UBR4: variants seen among roughly 807,000 people sequenced by gnomAD.
UBR4 encodes the protein E3 ubiquitin-protein ligase UBR4.
A neutral mutation model predicts 575.6 loss-of-function variants in UBR4; 124 were observed. The observed-to-expected ratio is 0.22, with a 90% CI of 0.19 to 0.25. The LOEUF is 0.25. UBR4 is among the 10% of genes least tolerant of loss of function. UBR4 has a pLI of 1.00. For synonymous variants in UBR4, 2,455 were observed against 2,473.7 expected (o/e 0.99, Z 0.22); for missense variants, 4,818 against 6,478.8 (o/e 0.74, Z 8.80).
intron 30 of UBR4, 30 bp from the exon 31 acceptor site, chr1:19,165,379 A>G: frequency 6.4e-7 from 1 of 1,555,266 alleles, no homozygotes; most frequent in Non-Finnish European, 8.8e-7. Context: ...AAAAATGGAA[A>G]GAATCACATT....
At chr1:19,166,311 GC>G (rs1210472407) in intron 29 of UBR4, among the ~76,000 whole-genome samples, 1 of 152,114 alleles carries the variant, frequency 6.6e-6, no homozygotes, top group African/African-American at 2.4e-5. Flanking sequence ...CTGTGGGACC[GC>G]CCATTCCACA....
rs180868008 is a variant in UBR4, at chr1:19,151,555, C to T, written c.7213+88G>A. ...AGAAAAATCAGCAGAGTGGAGAGAT[C>T]CCAGAATGTTGGACAGCCACAGGCC... On this transcript the variant is annotated intron_variant, in intron 48 of 105. Coordinates refer to ENST00000375254, the MANE Select transcript of UBR4 (RefSeq NM_020765.3). 68 of 1,392,782 alleles carry T rather than the reference C, an allele frequency of 4.9e-5. No homozygotes were observed. The Admixed American group carries it at 1.1e-3, about 23-fold the overall frequency. The allele number at this position is 1,392,782 out of a possible 1,614,324, so 86.3% of individuals were successfully genotyped here. A position where few individuals can be genotyped will look rare whatever the true frequency, so the allele number is the denominator to read the frequency against.
At chr1:19,150,455 T>G in intron 49 of UBR4, 122 bp downstream of exon 49, 1 of 1,141,934 alleles carries the variant, frequency 8.8e-7, no homozygotes, top group Non-Finnish European at 1.3e-6. Context: ...GTATGAAAAC[T>G]TAAAAAAATT....
rs145555804 is a variant in UBR4 at position 19,146,133 on chromosome 1, T to C, written c.7805-200A>G. The C allele has an allele frequency of 2.0e-3, 3,033 of 1,526,296 alleles. 58 individuals are homozygous for C. The South Asian group carries it at 0.031, about 16-fold the overall frequency. 94.5% of individuals were successfully genotyped at this position (1,526,296 alleles called of 1,614,324 possible). A position where few individuals can be genotyped will look rare whatever the true frequency, so the allele number is the denominator to read the frequency against. On this transcript the variant is annotated intron_variant, in intron 52 of 105. Coordinates refer to ENST00000375254, the MANE Select transcript of UBR4 (RefSeq NM_020765.3). Reference sequence around the variant, plus strand: ...TGGGAAAGGAATATCGCAGAAAACATTGTATGTTAGAATTAAGTAGAACGG... The same window carrying C: ...TGGGAAAGGAATATCGCAGAAAACACTGTATGTTAGAATTAAGTAGAACGG...
chr1:19,199,033 T>C, intron 3 of UBR4, 105 bp from the exon 4 acceptor site: 5 of 1,368,330 alleles, frequency 3.7e-6, no homozygotes, highest in Non-Finnish European at 5.0e-6. Context: ...AAATTTAGGT[T>C]CATATAAACA....
chr1:19,169,799 A>C (rs1035921562), intron 26 of UBR4, among the ~76,000 whole-genome samples: 4 of 152,242 alleles, frequency 2.6e-5, no homozygotes, highest in African/African-American at 9.6e-5. Flanking sequence ...AACTGAAAAT[A>C]AGATGCAAAG....
chr1:19,186,103 T>G (rs990953542), intron 14 of UBR4, among the ~76,000 whole-genome samples: 1 of 152,200 alleles, frequency 6.6e-6, no homozygotes, highest in Non-Finnish European at 1.5e-5. Flanking sequence ...CAGGAGGGCA[T>G]GCCAGTGGGT....
Position 19,210,149 on chromosome 1 carries a change from G to A in UBR4, c.100C>T (p.Arg34Trp), listed in dbSNP as rs868046179. 3.2e-6 allele frequency: 5 copies of A among 1,573,978 alleles called. No individual in the cohort carries two copies. The highest frequency in any genetic ancestry group is 2.3e-5 in the South Asian group (2 of 87,184). Residue 34 changes from arginine (R) to tryptophan (W), a missense_variant, in exon 1 of 106, where the codon CGG (arginine) becomes TGG (tryptophan). Coordinates refer to ENST00000375254, the MANE Select transcript of UBR4 (RefSeq NM_020765.3). ...DTTPGWEVAV[R>W]PLLSASYSAF... ...GAGTAGGACGCGGACAGCAGGGGCC[G>A]CACAGCCACCTCCCAGCCCGGGGTC...
rs760601587 is a variant in UBR4 at position 19,163,817 on chromosome 1, G to A, written c.4711C>T (p.Leu1571=). Reference sequence around the variant, plus strand: ...TTTTCAACTACATTCTTCTGTGACAGGTATTTCTTGCTGTCCCAAAGAAAA... The same window carrying A: ...TTTTCAACTACATTCTTCTGTGACAAGTATTTCTTGCTGTCCCAAAGAAAA... ...VDWLSRCKKY[L]SQKNVVEKLN... Residue 1571 remains leucine, a synonymous_variant, in exon 34 of 106, where the codon CTG becomes TTG. Transcript: ENST00000375254. The A allele has an allele frequency of 9.1e-5, 147 of 1,613,990 alleles. 1 individual carries two copies. The highest frequency in any genetic ancestry group is 1.2e-4 in the Non-Finnish European group (138 of 1,180,024).
At position 19,139,950 on chromosome 1, in the gene UBR4, G is replaced by T. The variant is rs184731170; in HGVS notation, c.8594-730C>A. On this transcript the variant is annotated intron_variant, in intron 58 of 105. Coordinates refer to ENST00000375254, the MANE Select transcript of UBR4 (RefSeq NM_020765.3). This position sits in a 1 kb window ranked among gnomAD's most constrained non-coding sequence, Gnocchi z 4.2. ...AGCCAAGACAGCCACAGAGCACAGCGGGAACACGACTGGCACAACACAACA... is the reference window on the plus strand; with the variant it reads ...AGCCAAGACAGCCACAGAGCACAGCTGGAACACGACTGGCACAACACAACA... 6.6e-6 allele frequency among the ~76,000 whole-genome samples: 1 copy of T among 152,212 alleles called. No individual in the cohort carries two copies. The highest frequency in any genetic ancestry group is 6.5e-5 in the Admixed American group (1 of 15,296).
At chr1:19,087,724 T>A (rs746374216) in intron 99 of UBR4, 92 bp downstream of exon 99, 68 of 1,031,716 alleles carry the variant, frequency 6.6e-5, no homozygotes, top group Non-Finnish European at 9.3e-5. Context: ...CTTGCCTAGC[T>A]AAGAACAAAA....
chr1:19,104,193 A>G lies in UBR4; in HGVS notation c.12792T>C (p.Gly4264=). The change falls in exon 87 of 106, where the codon GGT becomes GGC. Residue 4264 remains glycine (G), a synonymous_variant. Coordinates refer to ENST00000375254, the MANE Select transcript of UBR4 (RefSeq NM_020765.3). ...IKRHFKSRLV[G]TVLNGYLCLR... ...AGCACAGGTATCCATTCAGCACAGT[A>G]CCCACCAAGCGACTTTTAAAATGTC... The G allele has an allele frequency of 6.2e-7, 1 of 1,614,222 alleles. No homozygotes were observed. Among genetic ancestry groups the G allele is most frequent in the Non-Finnish European group, 8.5e-7 (1 of 1,180,046 alleles).
Position 19,112,524 on chromosome 1 carries a change from C to T in UBR4, c.11801G>A (p.Arg3934Gln), listed in dbSNP as rs2080018654. 6.8e-6 allele frequency: 11 copies of T among 1,606,250 alleles called. No individual in the cohort carries two copies. The highest frequency in any genetic ancestry group is 8.5e-6 in the Non-Finnish European group (10 of 1,175,840). Residue 3934 changes from arginine to glutamine, a missense_variant and splice_region_variant, in exon 78 of 106, where the codon CGA (arginine) becomes CAA (glutamine). Arg to Gln is a conservative substitution (Grantham distance 43). This residue lies in a region of UBR4 where 333 missense variants were observed against 459.2 expected (regional missense o/e 0.73). Transcript: ENST00000375254. ...EVRQLMCLLT[R>Q]DNPEATQQMN... ...CCATAACCATGGTGTAGGTACTGAC[C>T]GAGTTAGGAGGCACATGAGCTGGCG...
Position 19,128,243 on chromosome 1 carries a change from G to A in UBR4, c.9079C>T (p.Gln3027Ter). 1 of 1,614,044 alleles carries A rather than the reference G, an allele frequency of 6.2e-7. No homozygotes were observed. Among genetic ancestry groups the A allele is most frequent in the Non-Finnish European group, 8.5e-7 (1 of 1,179,958 alleles). Residue 3027 changes from glutamine (Q) to a stop codon, truncating the protein, a stop_gained, in exon 62 of 106, where the codon CAG becomes TAG. Coordinates refer to ENST00000375254, the MANE Select transcript of UBR4 (RefSeq NM_020765.3). LOFTEE classifies it high-confidence loss of function. ...DKGALDNLLS[Q>*]LIAELGMDKK... ...TCCATACCCAACTCAGCAATAAGCT[G>A]GGAGAGCAGGTTGTCTAGGGCCCCC... is the stretch of plus-strand genomic sequence containing the variant.
At chr1:19,150,891 G>A (rs1571163516) in intron 48 of UBR4, 98 bp from the exon 49 acceptor site, 5 of 1,203,718 alleles carry the variant, frequency 4.2e-6, no homozygotes, top group Non-Finnish European at 4.7e-6. Flanking sequence ...AGTAAATCAC[G>A]TCAATTTTAT....
In UBR4 at chr1:19,105,112, G is replaced by A. The variant is rs755401651; in HGVS notation, c.12581C>T (p.Ala4194Val). The change falls in exon 85 of 106, where the codon GCG (alanine) becomes GTG (valine). Residue 4194 changes from alanine (A) to valine (V), a missense_variant. Around this residue, in one of 29 missense-constraint regions of UBR4, gnomAD observed 178 missense variants for 175.5 expected, o/e 1.01. Coordinates refer to ENST00000375254, the MANE Select transcript of UBR4 (RefSeq NM_020765.3). ...AGCTGCCAAGTAGACTTTCCAGTGC[G>A]CAGAAGTGATGAGCTTCTGGTAGAG... Reference protein sequence around the residue: ...LALYQKLITSAHWKVYLAARG... With the variant: ...LALYQKLITSVHWKVYLAARG... 10 of 1,613,996 alleles carry A rather than the reference G, an allele frequency of 6.2e-6. No homozygotes were observed. Among genetic ancestry groups the A allele is most frequent in the African/African-American group, 1.3e-5 (1 of 74,886 alleles).
Position 19,093,022 on chromosome 1 carries a change from G to A in UBR4, c.14112-104C>T, listed in dbSNP as rs536529772. ...TTAAACCCCCAGGGCATGATTAACCGTGACCCTCTCCGAGTGTCATAAAGA... is the reference window on the plus strand; with the variant it reads ...TTAAACCCCCAGGGCATGATTAACCATGACCCTCTCCGAGTGTCATAAAGA... On this transcript the variant is annotated intron_variant, in intron 96 of 105. Transcript: ENST00000375254. This position sits in a 1 kb window ranked among gnomAD's most constrained non-coding sequence, Gnocchi z 4.8. 1.9e-5 allele frequency: 20 copies of A among 1,062,744 alleles called. No individual in the cohort carries two copies. Among genetic ancestry groups the A allele is most frequent in the Admixed American group, 1.3e-4 (6 of 45,694 alleles). 65.8% of individuals were successfully genotyped at this position (1,062,744 alleles called of 1,614,324 possible).
intron 51 of UBR4, among the ~76,000 whole-genome samples, chr1:19,147,770 G>C (rs560131254): frequency 6.6e-6 from 1 of 152,244 alleles, no homozygotes; most frequent in Non-Finnish European, 1.5e-5. Flanking sequence ...TCCTGTTAGA[G>C]TGACAGAAAA....
intron 105 of UBR4, among the ~76,000 whole-genome samples, chr1:19,075,980 T>C (rs142215644): frequency 1.3e-5 from 2 of 152,326 alleles, no homozygotes; most frequent in Non-Finnish European, 2.9e-5. Flanking sequence ...CTGACCTTTG[T>C]AGGGCGGGTG....
Sources: allele counts gnomAD v4.1 joint callset (sites outside exome capture counted in the v4.1 genomes callset), GRCh38; gene constraint gnomAD v4.1.1; regional missense constraint gnomAD v4.1.1; non-coding constraint Gnocchi (gnomAD v3.1); transcripts MANE v1.5; gene names NCBI Gene and HGNC (gene_info 2026-07-23, HGNC 2026-07-21).